The following MARCHF4 variants were observed in gnomAD, a reference collection of about 807,000 sequenced individuals.
The protein encoded by MARCHF4 is membrane associated ring-CH-type finger 4.
A neutral mutation model predicts 43.9 loss-of-function variants in MARCHF4; 14 were observed. That is an observed-to-expected ratio of 0.32 (90% CI 0.21 to 0.50). MARCHF4 has a LOEUF of 0.50. Ranked by LOEUF, MARCHF4 falls within the 20% of genes least tolerant of loss-of-function variation. The pLI is 0.98. For synonymous variants in MARCHF4, 226 were observed against 213.3 expected, an observed-to-expected ratio of 1.06 and a Z score of -0.52; for missense variants, 468 against 536.7, an observed-to-expected ratio of 0.87 and a Z score of 1.27.
At chr2:216,358,266 G>C (rs1291482145) in intron 1 of MARCHF4, among the ~76,000 whole-genome samples, 2 of 152,134 alleles carry the variant, frequency 1.3e-5, no homozygotes, top group Non-Finnish European at 2.9e-5. Flanking sequence ...AAGCAGTTCT[G>C]CCTGACTCTA....
intron 1 of MARCHF4, among the ~76,000 whole-genome samples, chr2:216,290,231 G>C (rs149620309): frequency 6.6e-6 from 1 of 152,186 alleles, no homozygotes; most frequent in African/African-American, 2.4e-5. Flanking sequence ...GTGTATGAAG[G>C]CTTCACTCAA....
intron 1 of MARCHF4, among the ~76,000 whole-genome samples, chr2:216,302,717 A>G (rs140100795): frequency 0.065 from 9,768 of 151,090 alleles, 1,045 homozygotes; most frequent in African/African-American, 0.23. Flanking sequence ...GGCCAACACA[A>G]TGAAACCCCG....
chr2:216,290,569 C>T (rs1274295259), intron 1 of MARCHF4, among the ~76,000 whole-genome samples: 2 of 152,108 alleles, frequency 1.3e-5, no homozygotes, highest in Non-Finnish European at 2.9e-5. Context: ...GTGGCATGAT[C>T]TGATCATATT....
At chr2:216,348,032 CTTTTTTTTTTTTT>C (rs773695717) in intron 1 of MARCHF4, among the ~76,000 whole-genome samples, 103 of 99,706 alleles carry the variant, frequency 1.0e-3, no homozygotes, top group Admixed American at 4.0e-3. Context: ...TTAAGGCATT[CTTTTTTTTTTTTT>C]TTTTTTTTTT....
intron 1 of MARCHF4, among the ~76,000 whole-genome samples, chr2:216,286,624 T>C (rs1691223208): frequency 6.6e-6 from 1 of 152,154 alleles, no homozygotes; most frequent in Admixed American, 6.5e-5. Flanking sequence ...GGGTATTTGC[T>C]GTGGGGGTTG....
chr2:216,295,355 G>A (rs954257489), intron 1 of MARCHF4, among the ~76,000 whole-genome samples: 7 of 152,174 alleles, frequency 4.6e-5, no homozygotes, highest in African/African-American at 1.7e-4. Flanking sequence ...TCAACTTTCT[G>A]GGCTTAAGCT....
chr2:216,298,356 C>T (rs539011456), intron 1 of MARCHF4, among the ~76,000 whole-genome samples: 54 of 148,240 alleles, frequency 3.6e-4, no homozygotes, highest in African/African-American at 1.3e-3. Context: ...GCCTTGACCT[C>T]GCAGGCTCAA....
At position 216,277,781 on chromosome 2, in the gene MARCHF4, A is replaced by T; in HGVS notation, c.756T>A (p.Ile252=). The change falls in exon 3 of 4, where the codon ATT becomes ATA. Residue 252 remains isoleucine, a synonymous_variant. Transcript: ENST00000273067. The part of the protein sequence containing the change: ...ILGSLFLIAS[I]SWLIWSTFSP... ...TGAAAGTTGACCAGATGAGCCAAGA[A>T]ATACTGGCGATGAGGAAGAGGGAGC... 6.2e-7 allele frequency: 1 copy of T among 1,614,210 alleles called. No homozygotes were observed. The highest frequency in any genetic ancestry group is 1.3e-5 in the African/African-American group (1 of 75,058).
At chr2:216,367,700 A>C (rs1414911042) in intron 1 of MARCHF4, among the ~76,000 whole-genome samples, 2 of 152,172 alleles carry the variant, frequency 1.3e-5, no homozygotes, top group Non-Finnish European at 2.9e-5. Flanking sequence ...TTTTTTATTC[A>C]ATGCTTTATT....
chr2:216,353,406 G>GA (rs1327178715), intron 1 of MARCHF4, among the ~76,000 whole-genome samples: 1 of 152,012 alleles, frequency 6.6e-6, no homozygotes, highest in East Asian at 1.9e-4. Context: ...GAAAGGGGGT[G>GA]AAAAAAGGAA....
intron 1 of MARCHF4, among the ~76,000 whole-genome samples, chr2:216,329,901 C>A (rs77539904): frequency 5.1e-4 from 77 of 151,882 alleles, no homozygotes; most frequent in African/African-American, 1.8e-3. Context: ...GCCTGGGTAG[C>A]ATTGTGACAC....
intron 1 of MARCHF4, among the ~76,000 whole-genome samples, chr2:216,311,419 G>A (rs1011192956): frequency 6.6e-6 from 1 of 152,002 alleles, no homozygotes; most frequent in Non-Finnish European, 1.5e-5. Context: ...CACCACACCT[G>A]GTTAATTTTT....
At chr2:216,293,976 T>A (rs565883375) in intron 1 of MARCHF4, among the ~76,000 whole-genome samples, 1 of 85,504 alleles carries the variant, frequency 1.2e-5, no homozygotes, top group South Asian at 3.3e-4. Flanking sequence ...AACTCATCAT[T>A]ACCATCACCA....
chr2:216,259,318 T>A lies in MARCHF4; in HGVS notation c.1227A>T (p.Thr409=). ...SSRELVMRVT[T]V The stretch of plus-strand genomic sequence containing the variant: ...TCCTTCCGGGCCTCTGCTCTCACAC[T>A]GTCGTGACTCTCATGACCAGCTCTC... Residue 409 remains threonine, a synonymous_variant, in exon 4 of 4, where the codon ACA becomes ACT. Coordinates refer to ENST00000273067, the MANE Select transcript of MARCHF4 (RefSeq NM_020814.3). The A allele has an allele frequency of 6.5e-7, 1 of 1,534,940 alleles. No individual in the cohort carries two copies. Among genetic ancestry groups the A allele is most frequent in the Non-Finnish European group, 8.8e-7 (1 of 1,138,882 alleles).
At chr2:216,323,882 C>T (rs1229122776) in intron 1 of MARCHF4, among the ~76,000 whole-genome samples, 3 of 151,760 alleles carry the variant, frequency 2.0e-5, no homozygotes, top group Non-Finnish European at 4.4e-5. Context: ...AAATTGACAC[C>T]CTAACATCAC....
intron 1 of MARCHF4, among the ~76,000 whole-genome samples, chr2:216,318,734 C>T (rs890463599): frequency 6.6e-6 from 1 of 152,082 alleles, no homozygotes; most frequent in African/African-American, 2.4e-5. Flanking sequence ...CTGCCCAGGG[C>T]CTTGCTGTCA....
chr2:216,285,064 G>A (rs530842459), intron 1 of MARCHF4, among the ~76,000 whole-genome samples: 40 of 152,150 alleles, frequency 2.6e-4, no homozygotes, highest in Non-Finnish European at 5.4e-4. Context: ...GCCCCAGAAG[G>A]CAGGGTGAGG....
rs1316346797 is a variant in MARCHF4 at position 216,369,926 on chromosome 2, G to C, written c.335C>G (p.Pro112Arg). The change falls in exon 1 of 4, where the codon CCT becomes CGT. Residue 112 changes from proline to arginine, a missense_variant. Pro to Arg is a moderately radical substitution (Grantham distance 103). Coordinates refer to ENST00000273067, the MANE Select transcript of MARCHF4 (RefSeq NM_020814.3). ...PPVPPPPPLP[P>R]SSVEDDWGGP... ...ACCCCAGTCATCTTCCACAGAAGAAGGTGGCAAGGGGGGTGGAGGTGGCAC... is the reference window on the plus strand; with the variant it reads ...ACCCCAGTCATCTTCCACAGAAGAACGTGGCAAGGGGGGTGGAGGTGGCAC... 1 of 1,609,732 alleles carries C rather than the reference G, an allele frequency of 6.2e-7. No homozygotes were observed. The highest frequency in any genetic ancestry group is 8.5e-7 in the Non-Finnish European group (1 of 1,177,828).
At chr2:216,263,509 G>A (rs642300) in intron 3 of MARCHF4, among the ~76,000 whole-genome samples, 12,325 of 39,334 alleles carry the variant, frequency 0.31, 710 homozygotes, top group South Asian at 0.45. Flanking sequence ...GAGAGAGAGA[G>A]AGAGAGAGAG....
Sources: allele counts gnomAD v4.1 joint callset (sites outside exome capture counted in the v4.1 genomes callset), GRCh38; gene constraint gnomAD v4.1.1; transcripts MANE v1.5; gene names NCBI Gene and HGNC (gene_info 2026-07-23, HGNC 2026-07-21).